The following IQCM variants were observed in gnomAD, a reference collection of about 807,000 sequenced individuals.
The protein encoded by IQCM is IQ domain-containing protein M.
A neutral mutation model predicts 57.6 loss-of-function variants in IQCM; 45 were observed. That is an observed-to-expected ratio of 0.78 (90% CI 0.62 to 1.00). The LOEUF (loss-of-function observed/expected upper bound fraction) is 1.00, where lower values mean the gene tolerates loss of function less well. Ranked by LOEUF, IQCM falls within the 50% of genes least tolerant of loss-of-function variation. The pLI is 0.00. For synonymous variants in IQCM, 148 were observed against 158.9 expected (o/e 0.93, Z 0.51); for missense variants, 468 against 511.6 (o/e 0.91, Z 0.82).
chr4:149,400,694 C>A (rs1001236231), intron 13 of IQCM, among the ~76,000 whole-genome samples: 2 of 151,756 alleles, frequency 1.3e-5, no homozygotes, highest in African/African-American at 4.8e-5. Flanking sequence ...ATTAATATAT[C>A]ATTGAGTGAC....
intron 8 of IQCM, among the ~76,000 whole-genome samples, chr4:149,619,919 G>A (rs1371678324): frequency 1.3e-5 from 2 of 152,182 alleles, no homozygotes; most frequent in African/African-American, 4.8e-5. Flanking sequence ...CACTTTGGGA[G>A]AGTAAGGTGG....
At chr4:149,788,663 GAAGT>G (rs1325350739) in intron 2 of IQCM, among the ~76,000 whole-genome samples, 6 of 152,186 alleles carry the variant, frequency 3.9e-5, no homozygotes, top group Non-Finnish European at 8.8e-5. Context: ...CAAAGGAAAT[GAAGT>G]AAGTATATCA....
intron 2 of IQCM, among the ~76,000 whole-genome samples, chr4:149,801,032 T>A (rs1222336595): frequency 2.0e-5 from 3 of 151,666 alleles, no homozygotes; most frequent in African/African-American, 7.2e-5. Context: ...AAGTTATCCT[T>A]TGGGCATTTT....
At chr4:149,736,277 T>G (rs949951209) in intron 3 of IQCM, among the ~76,000 whole-genome samples, 2 of 152,162 alleles carry the variant, frequency 1.3e-5, no homozygotes, top group African/African-American at 4.8e-5. Flanking sequence ...TAACCAGGGT[T>G]ATGTATACAA....
chr4:149,801,148 A>T (rs1203965490), intron 2 of IQCM, among the ~76,000 whole-genome samples: 2 of 151,964 alleles, frequency 1.3e-5, no homozygotes, highest in Admixed American at 6.6e-5. Flanking sequence ...GCTTAACATC[A>T]TGGATCATCA....
intron 13 of IQCM, among the ~76,000 whole-genome samples, chr4:149,385,058 G>A (rs929251871): frequency 1.3e-5 from 2 of 151,920 alleles, no homozygotes; most frequent in African/African-American, 2.4e-5. Context: ...GAGTTGAGGG[G>A]TGGGATTGCT....
chr4:149,421,823 A>AT (rs1734142361), intron 13 of IQCM, among the ~76,000 whole-genome samples: 1 of 152,060 alleles, frequency 6.6e-6, no homozygotes, highest in Non-Finnish European at 1.5e-5. Flanking sequence ...ATCTAATGTT[A>AT]ACTTTAAAGA....
intron 5 of IQCM, among the ~76,000 whole-genome samples, chr4:149,701,048 C>G (rs1763732091): frequency 6.6e-6 from 1 of 151,944 alleles, no homozygotes; most frequent in Non-Finnish European, 1.5e-5. Flanking sequence ...TCCCTCTTTA[C>G]ATGCTTCCCA....
Position 149,553,294 on chromosome 4 carries a change from A to G in IQCM, c.949-7T>C. 1 of 1,231,688 alleles carries G rather than the reference A, an allele frequency of 8.1e-7. No homozygotes were observed. The allele number at this position is 1,231,688 out of a possible 1,614,324, so 76.3% of individuals were successfully genotyped here. On this transcript the variant is annotated splice_region_variant and splice_polypyrimidine_tract_variant and intron_variant, in intron 10 of 13. Transcript: ENST00000636793. ...CTGGTCCATGATCCAAAGCCTACAA[A>G]GACAGAAAAGCTCCTTATATATTTC...
intron 12 of IQCM, among the ~76,000 whole-genome samples, chr4:149,537,350 C>T (rs1431935894): frequency 6.6e-6 from 1 of 151,394 alleles, no homozygotes; most frequent in East Asian, 1.9e-4. Flanking sequence ...ATGATCTCAG[C>T]CACAGATTTG....
At chr4:149,547,866 A>C (rs568956831) in intron 12 of IQCM, among the ~76,000 whole-genome samples, 1 of 152,274 alleles carries the variant, frequency 6.6e-6, no homozygotes, top group Non-Finnish European at 1.5e-5. Context: ...TTAAAGGAAA[A>C]TTCATTGAGA....
chr4:149,530,712 A>C (rs555118377), intron 12 of IQCM, among the ~76,000 whole-genome samples: 2 of 152,184 alleles, frequency 1.3e-5, no homozygotes, highest in African/African-American at 4.8e-5. Flanking sequence ...GAAAGAACAA[A>C]GAAAAGGCTA....
chr4:149,620,524 T>G (rs544881344), intron 8 of IQCM, among the ~76,000 whole-genome samples: 1 of 152,332 alleles, frequency 6.6e-6, no homozygotes, highest in Admixed American at 6.5e-5. Flanking sequence ...TGTTGTAAAA[T>G]AGCATTACGT....
At chr4:149,642,884 T>A (rs1162509692) in intron 7 of IQCM, among the ~76,000 whole-genome samples, 1 of 152,230 alleles carries the variant, frequency 6.6e-6, no homozygotes, top group Middle Eastern at 3.4e-3. Flanking sequence ...TTTAAAAAAA[T>A]TGTAATAACT....
At chr4:149,385,123 T>C (rs1259487366) in intron 13 of IQCM, among the ~76,000 whole-genome samples, 1 of 152,102 alleles carries the variant, frequency 6.6e-6, no homozygotes, top group Non-Finnish European at 1.5e-5. Context: ...GTGCCTACTG[T>C]TTTAATGTTG....
rs554154007 is a variant in IQCM, at chr4:149,678,291, A to G, written c.565+3827T>C. Among the ~76,000 whole-genome samples the G allele has an allele frequency of 4.6e-5, 7 of 152,020 alleles. No individual in the cohort carries two copies. In the South Asian group the frequency reaches 6.2e-4, roughly 13 times the overall value. On this transcript the variant is annotated intron_variant, in intron 7 of 13. Coordinates refer to ENST00000636793, the MANE Select transcript of IQCM (RefSeq NM_001363507.2). ...ATCCTAAAAGCAACAAGAGAAAAAA[A>G]GCAAATAACATAAAAAAGCTCCATT...
At chr4:149,375,320 G>C (rs1730635742) in intron 13 of IQCM, among the ~76,000 whole-genome samples, 1 of 152,102 alleles carries the variant, frequency 6.6e-6, no homozygotes, top group African/African-American at 2.4e-5. Context: ...CAGGCCATCT[G>C]ATATTTCTGC....
At chr4:149,486,582 C>T (rs919640434) in intron 12 of IQCM, among the ~76,000 whole-genome samples, 2 of 152,138 alleles carry the variant, frequency 1.3e-5, no homozygotes, top group African/African-American at 4.8e-5. Flanking sequence ...CATGTCTCTA[C>T]TAAAAATACA....
At chr4:149,508,822 C>G (rs1481237244) in intron 12 of IQCM, among the ~76,000 whole-genome samples, 1 of 152,088 alleles carries the variant, frequency 6.6e-6, no homozygotes, top group African/African-American at 2.4e-5. Flanking sequence ...GGCTGTGTCC[C>G]CACCCAAATC....
Sources: gnomAD v4.1 joint callset for allele counts (sites outside exome capture counted in the v4.1 genomes callset) on GRCh38, gnomAD v4.1.1 for gene constraint, MANE v1.5 for transcripts, NCBI Gene and HGNC (gene_info 2026-07-23, HGNC 2026-07-21) for gene names.